The following ADAM22 variants were observed in gnomAD, a reference collection of about 807,000 sequenced individuals.
ADAM22 encodes the protein disintegrin and metalloproteinase domain-containing protein 22.
A neutral mutation model predicts 144.6 loss-of-function variants in ADAM22; 65 were observed. That is an observed-to-expected ratio of 0.45 (90% CI 0.37 to 0.55). The LOEUF is 0.55. Among genes scored for constraint, ADAM22 ranks in the 20% least tolerant of loss-of-function variants. The pLI, the probability that ADAM22 is intolerant of heterozygous loss-of-function variation, is 0.00. For missense variants in ADAM22, 974 were observed against 1,184.9 expected (o/e 0.82, Z 2.61); for synonymous variants, 391 against 412.6 (o/e 0.95, Z 0.63).
chr7:88,068,776 A>G (rs1330953251), intron 3 of ADAM22, among the ~76,000 whole-genome samples: 3 of 152,122 alleles, frequency 2.0e-5, no homozygotes, highest in African/African-American at 4.8e-5. Context: ...TGGGTCTGTC[A>G]GCTAGGGACA....
intron 17 of ADAM22, among the ~76,000 whole-genome samples, chr7:88,146,913 G>A (rs1436781781): frequency 6.6e-6 from 1 of 152,214 alleles, no homozygotes; most frequent in African/African-American, 2.4e-5. Flanking sequence ...TAAACCAAAT[G>A]TGAAAGACAT....
intron 3 of ADAM22, among the ~76,000 whole-genome samples, chr7:87,982,524 A>G (rs1853812513): frequency 6.6e-6 from 1 of 151,510 alleles, no homozygotes; most frequent in Non-Finnish European, 1.5e-5. Context: ...AGAAGGAACC[A>G]AAATATCTAG....
At chr7:88,079,939 G>A (rs966098571) in intron 4 of ADAM22, among the ~76,000 whole-genome samples, 3 of 152,118 alleles carry the variant, frequency 2.0e-5, no homozygotes, top group African/African-American at 4.8e-5. Context: ...ACCGATCAAC[G>A]ACACAGAAAG....
At chr7:88,049,921 A>C (rs1462145845) in intron 3 of ADAM22, among the ~76,000 whole-genome samples, 1 of 152,076 alleles carries the variant, frequency 6.6e-6, no homozygotes, top group East Asian at 1.9e-4. Context: ...AAGTGCTCTC[A>C]GAAGAATTAG....
At chr7:88,162,709 A>G (rs534572161) in intron 22 of ADAM22, among the ~76,000 whole-genome samples, 1 of 152,136 alleles carries the variant, frequency 6.6e-6, no homozygotes, top group Non-Finnish European at 1.5e-5. Flanking sequence ...CAAATTACAT[A>G]CTAGTAATAA....
At chr7:88,068,260 T>TA (rs1811811213) in intron 3 of ADAM22, among the ~76,000 whole-genome samples, 1 of 152,138 alleles carries the variant, frequency 6.6e-6, no homozygotes, top group Non-Finnish European at 1.5e-5. Flanking sequence ...ATGTTTTCTT[T>TA]AAAAAACCTT....
chr7:88,161,833 A>C (rs1009306680), intron 22 of ADAM22, among the ~76,000 whole-genome samples: 3 of 152,090 alleles, frequency 2.0e-5, no homozygotes, highest in Non-Finnish European at 4.4e-5. Context: ...TCGCAGACAA[A>C]GGGGAACATT....
intron 2 of ADAM22, among the ~76,000 whole-genome samples, chr7:87,953,402 CA>C (rs1174979903): frequency 7.2e-5 from 11 of 152,064 alleles, no homozygotes; most frequent in Non-Finnish European, 2.9e-5. Context: ...GTTATGTATC[CA>C]GTAGTCATTC....
At chr7:87,943,376 C>G (rs1247174489) in intron 2 of ADAM22, among the ~76,000 whole-genome samples, 1 of 151,640 alleles carries the variant, frequency 6.6e-6, no homozygotes, top group Non-Finnish European at 1.5e-5. Flanking sequence ...ATAAAATAAT[C>G]TTTTATAATC....
At chr7:87,950,836 T>G (rs1204728804) in intron 2 of ADAM22, among the ~76,000 whole-genome samples, 3 of 149,652 alleles carry the variant, frequency 2.0e-5, no homozygotes, top group African/African-American at 7.4e-5. Flanking sequence ...CCATTCTAAC[T>G]GGTGTGAGAT....
chr7:87,954,690 G>C (rs1435626333), intron 2 of ADAM22, among the ~76,000 whole-genome samples: 3 of 152,112 alleles, frequency 2.0e-5, no homozygotes, highest in Non-Finnish European at 4.4e-5. Context: ...ATGTTGGCCT[G>C]CCTTGCTAGA....
intron 3 of ADAM22, among the ~76,000 whole-genome samples, chr7:88,020,222 A>G (rs1797515495): frequency 6.6e-6 from 1 of 152,216 alleles, no homozygotes; most frequent in Admixed American, 6.5e-5. Context: ...CTGCAAATGT[A>G]AAAGAAACTG....
At chr7:88,122,241 C>T (rs1281734195) in intron 7 of ADAM22, among the ~76,000 whole-genome samples, 2 of 152,174 alleles carry the variant, frequency 1.3e-5, no homozygotes, top group Non-Finnish European at 2.9e-5. Context: ...TAGGGAAGCT[C>T]ACAACACTAG....
chr7:87,995,742 A>G (rs191524220), intron 3 of ADAM22, among the ~76,000 whole-genome samples: 1 of 152,314 alleles, frequency 6.6e-6, no homozygotes, highest in African/African-American at 2.4e-5. Flanking sequence ...TTCACCTGCT[A>G]TAGTTTTTTC....
chr7:88,024,139 T>C (rs1367193353), intron 3 of ADAM22, among the ~76,000 whole-genome samples: 1 of 152,220 alleles, frequency 6.6e-6, no homozygotes, highest in Non-Finnish European at 1.5e-5. Flanking sequence ...TTGGGAATAC[T>C]GCTTCCATAA....
chr7:87,945,732 C>G (rs1184632553), intron 2 of ADAM22, among the ~76,000 whole-genome samples: 3 of 152,034 alleles, frequency 2.0e-5, no homozygotes, highest in Non-Finnish European at 4.4e-5. Flanking sequence ...CCAGGCTGGT[C>G]TTGAACTCCT....
intron 26 of ADAM22, among the ~76,000 whole-genome samples, chr7:88,176,059 G>A (rs751656641): frequency 1.3e-5 from 2 of 151,930 alleles, no homozygotes; most frequent in Non-Finnish European, 1.5e-5. Flanking sequence ...TGCAACCTCC[G>A]CCTCCCAGGT....
intron 3 of ADAM22, among the ~76,000 whole-genome samples, chr7:87,986,543 GACTT>G (rs1277815680): frequency 6.6e-6 from 1 of 152,172 alleles, no homozygotes; most frequent in East Asian, 1.9e-4. Flanking sequence ...AGGGACTAGA[GACTT>G]ACAGGATTCA....
At chr7:88,025,149 C>G (rs1585090834) in intron 3 of ADAM22, among the ~76,000 whole-genome samples, 1 of 152,274 alleles carries the variant, frequency 6.6e-6, no homozygotes, top group South Asian at 2.1e-4. Context: ...AATGGTTGAA[C>G]TAGTTTACAG....
Sources: allele counts gnomAD v4.1 joint callset (sites outside exome capture counted in the v4.1 genomes callset), GRCh38; gene constraint gnomAD v4.1.1; transcripts MANE v1.5; gene names NCBI Gene and HGNC (gene_info 2026-07-23, HGNC 2026-07-21).